NUP93: variants seen among roughly 807,000 people sequenced by gnomAD.
NUP93 encodes the protein nucleoporin 93, also known as nuclear pore complex protein Nup93.
Under a neutral mutation model 107.8 loss-of-function variants are expected in NUP93, and 55 were observed. That is an observed-to-expected ratio of 0.51 (90% CI 0.41 to 0.64). The LOEUF (loss-of-function observed/expected upper bound fraction) is 0.64, where lower values mean the gene tolerates loss of function less well. NUP93 is among the 30% of genes least tolerant of loss of function. The pLI is 0.00. For synonymous variants in NUP93, 390 were observed against 397.5 expected, an observed-to-expected ratio of 0.98 and a Z score of 0.22; for missense variants, 937 against 1,044.7, an observed-to-expected ratio of 0.90 and a Z score of 1.42.
chr16:56,805,908 C>T lies in NUP93; in HGVS notation c.489+276C>T, dbSNP rs75525025. On this transcript the variant is annotated intron_variant, in intron 5 of 21. Transcript: ENST00000308159. ...TCCTTAACCTCTTCAGTTTCTCTCTCAATCGCTATCCTGTGATTTCATCTG... is the reference window on the plus strand; with the variant it reads ...TCCTTAACCTCTTCAGTTTCTCTCTTAATCGCTATCCTGTGATTTCATCTG... Among the ~76,000 whole-genome samples, 5,218 of 151,988 alleles carry T rather than the reference C, an allele frequency of 0.034. 123 individuals carry two copies. Among genetic ancestry groups the T allele is most frequent in the East Asian group, 0.075 (390 of 5,168 alleles).
chr16:56,822,367 C>T (rs1223531323), intron 7 of NUP93, among the ~76,000 whole-genome samples: 1 of 151,458 alleles, frequency 6.6e-6, no homozygotes. Flanking sequence ...GAAAAATTAA[C>T]CAGGTGTGGT....
In NUP93 at chr16:56,825,538, G is replaced by A. The variant is rs563652093; in HGVS notation, c.794+1692G>A. 1.2e-4 allele frequency among the ~76,000 whole-genome samples: 18 copies of A among 151,846 alleles called. No homozygotes were observed. The South Asian group carries it at 3.1e-3, about 26-fold the overall frequency. On this transcript the variant is annotated intron_variant, in intron 8 of 21. Transcript: ENST00000308159. ...TTTTTAATTTTTATTTTTTTTCAAT[G>A]AGTGTAAGTGTATGACTGCTCATGA...
chr16:56,752,884 C>T (rs1961949512), intron 2 of NUP93, among the ~76,000 whole-genome samples: 1 of 152,082 alleles, frequency 6.6e-6, no homozygotes, highest in Non-Finnish European at 1.5e-5. Context: ...ACAAGGGTAC[C>T]TAGACCATTC....
At chr16:56,818,806 A>G in intron 6 of NUP93, 68 bp downstream of exon 6, 6 of 1,347,264 alleles carry the variant, frequency 4.5e-6, no homozygotes, top group Non-Finnish European at 6.2e-6. Context: ...GTAAAAGGAA[A>G]CAAAAACTTG....
rs1479157012 is a variant in NUP93, at chr16:56,837,614, G to C, written c.1906G>C (p.Asp636His). 1.2e-6 allele frequency: 2 copies of C among 1,613,370 alleles called. No individual in the cohort carries two copies. The highest frequency in any genetic ancestry group is 1.7e-6 in the Non-Finnish European group (2 of 1,179,434). Residue 636 changes from aspartate to histidine, a missense_variant, in exon 18 of 22, where the codon GAC becomes CAC. Coordinates refer to ENST00000308159, the MANE Select transcript of NUP93 (RefSeq NM_014669.5). ...AKLYDLAKNADKVLELMNKLL... is the reference protein window; with the variant it reads ...AKLYDLAKNAHKVLELMNKLL... ...ATTTTAAAAACTTGAGCAGAATGCT[G>C]ACAAGGTACTGGAGCTGATGAACAA... is the stretch of plus-strand genomic sequence containing the variant.
chr16:56,834,783 G>GT lies in NUP93; in HGVS notation c.1782+7dup. ...GAGAATGACGGAAGTAGAAAGGTGA[G>GT]TTAAATGCATCCTTAGAGAAATGTT... On this transcript the variant is annotated splice_donor_region_variant and intron_variant, in intron 16 of 21. Transcript: ENST00000308159. The GT allele has an allele frequency of 6.2e-7, 1 of 1,604,344 alleles. No individual in the cohort carries two copies. The highest frequency in any genetic ancestry group is 8.5e-7 in the Non-Finnish European group (1 of 1,171,912).
intron 21 of NUP93, among the ~76,000 whole-genome samples, chr16:56,843,168 T>A (rs55633171): frequency 1.2e-4 from 18 of 152,366 alleles, no homozygotes; most frequent in Non-Finnish European, 2.4e-4. Flanking sequence ...GTCTTCTGCC[T>A]ACCCCGGACA....
intron 3 of NUP93, among the ~76,000 whole-genome samples, chr16:56,772,384 TCTTA>T (rs1962338157): frequency 6.6e-6 from 1 of 152,228 alleles, no homozygotes; most frequent in Non-Finnish European, 1.5e-5. Flanking sequence ...TGTCCTGTAG[TCTTA>T]CTTTTCTTAT....
At chr16:56,804,328 T>C (rs548419281) in intron 4 of NUP93, among the ~76,000 whole-genome samples, 5 of 152,248 alleles carry the variant, frequency 3.3e-5, no homozygotes, top group African/African-American at 9.6e-5. Flanking sequence ...AGTGAATGAA[T>C]GGATAAAGAA....
Position 56,818,673 on chromosome 16 carries a change from A to G in NUP93, c.499A>G (p.Ile167Val). The change falls in exon 6 of 22, where the codon ATC becomes GTC. Residue 167 changes from isoleucine (I) to valine (V), a missense_variant. Coordinates refer to ENST00000308159, the MANE Select transcript of NUP93 (RefSeq NM_014669.5). ...GTGTATTTATCCACAGCCAAGCTAC[A>G]TCAGTGATGTGGGACCCCCTGGTCG... Reference protein sequence around the residue: ...DFTQESEPSYISDVGPPGRSS... With the variant: ...DFTQESEPSYVSDVGPPGRSS... 2 of 1,614,084 alleles carry G rather than the reference A, an allele frequency of 1.2e-6. No individual in the cohort carries two copies. Among genetic ancestry groups the G allele is most frequent in the Non-Finnish European group, 1.7e-6 (2 of 1,179,912 alleles).
chr16:56,733,361 T>G (rs1961563231), intron 1 of NUP93, among the ~76,000 whole-genome samples: 1 of 152,110 alleles, frequency 6.6e-6, no homozygotes, highest in South Asian at 2.1e-4. Flanking sequence ...CAAGAAGGCT[T>G]AGTCGGCGTG....
intron 1 of NUP93, among the ~76,000 whole-genome samples, chr16:56,738,768 A>G (rs1961652760): frequency 6.6e-6 from 1 of 152,178 alleles, no homozygotes; most frequent in African/African-American, 2.4e-5. Flanking sequence ...AGAGGAGAAC[A>G]GAATCAGTAT....
At chr16:56,788,254 C>T (rs1962673554) in intron 3 of NUP93, among the ~76,000 whole-genome samples, 1 of 152,186 alleles carries the variant, frequency 6.6e-6, no homozygotes, top group African/African-American at 2.4e-5. Flanking sequence ...GCCCTTCCAC[C>T]ACAGCCTGGC....
chr16:56,832,151 T>G (rs1963806497), intron 11 of NUP93, 144 bp downstream of exon 11: 1 of 1,230,320 alleles, frequency 8.1e-7, no homozygotes, highest in East Asian at 2.3e-5. Context: ...CATTTTTTGT[T>G]GTGTAATTCC....
In NUP93 at chr16:56,794,090, G is replaced by GTAGATAGA. The variant is rs369592998; in HGVS notation, c.298-4352_298-4345dup. 8.5e-3 allele frequency among the ~76,000 whole-genome samples: 650 copies of GTAGATAGA among 76,052 alleles called. 1 individual carries two copies. The highest frequency in any genetic ancestry group is 0.018 in the African/African-American group (320 of 17,536). 49.9% of individuals were successfully genotyped at this position (76,052 alleles called of 152,430 possible). A position where few individuals can be genotyped will look rare whatever the true frequency, so the allele number is the denominator to read the frequency against. On this transcript the variant is annotated intron_variant, in intron 3 of 21. Transcript: ENST00000308159. ...GATAGATAGGTAGGTAGGTAGGTAG[G>GTAGATAGA]TAGATAGATAGATAGATAGATAGAT...
chr16:56,844,771 T>A lies in NUP93; in HGVS notation c.*162T>A. 1 of 405,740 alleles carries A rather than the reference T, an allele frequency of 2.5e-6. No individual in the cohort carries two copies. The highest frequency in any genetic ancestry group is 4.3e-6 in the Non-Finnish European group (1 of 231,944). 25.1% of individuals were successfully genotyped at this position (405,740 alleles called of 1,614,324 possible). On this transcript the variant is annotated 3_prime_UTR_variant, in exon 22 of 22. Transcript: ENST00000308159. The stretch of plus-strand genomic sequence containing the variant: ...ATAAATTTCTTTGATTTGTATTTCT[T>A]TTCAACATTCTTTTATTTTCTTTTT...
At position 56,798,466 on chromosome 16, in the gene NUP93, C is replaced by A; in HGVS notation, c.298-10C>A. On this transcript the variant is annotated splice_polypyrimidine_tract_variant and intron_variant, in intron 3 of 21. Transcript: ENST00000308159. The stretch of plus-strand genomic sequence containing the variant: ...AATTTTAAGTTGTGTTAATTTTCCC[C>A]CATTTATAGGGCTTCCTGAAGAATG... 1 of 1,612,458 alleles carries A rather than the reference C, an allele frequency of 6.2e-7. No homozygotes were observed. Among genetic ancestry groups the A allele is most frequent in the Non-Finnish European group, 8.5e-7 (1 of 1,178,656 alleles).
At chr16:56,799,762 T>C (rs1962980845) in intron 4 of NUP93, among the ~76,000 whole-genome samples, 1 of 152,250 alleles carries the variant, frequency 6.6e-6, no homozygotes, top group Non-Finnish European at 1.5e-5. Context: ...TATTAAAATA[T>C]TCTGTGAAGG....
intron 3 of NUP93, among the ~76,000 whole-genome samples, chr16:56,779,881 A>C (rs1240472191): frequency 1.3e-5 from 2 of 152,164 alleles, no homozygotes; most frequent in African/African-American, 4.8e-5. Flanking sequence ...ATCCCTTGGG[A>C]ACAGGTTTTA....
Sources: gnomAD v4.1 joint callset for allele counts (sites outside exome capture counted in the v4.1 genomes callset) on GRCh38, gnomAD v4.1.1 for gene constraint, MANE v1.5 for transcripts, NCBI Gene and HGNC (gene_info 2026-07-23, HGNC 2026-07-21) for gene names.